VPS8: variants seen among roughly 807,000 people sequenced by gnomAD.
The protein encoded by VPS8 is VPS8 subunit of CORVET complex, also known as vacuolar protein sorting-associated protein 8 homolog.
A neutral mutation model predicts 216.4 loss-of-function variants in VPS8; 129 were observed. The observed-to-expected ratio is 0.60, with a 90% CI of 0.52 to 0.69. VPS8 has a LOEUF of 0.69. Among genes scored for constraint, VPS8 ranks in the 30% least tolerant of loss-of-function variants. The probability of loss-of-function intolerance (pLI) is 0.00; values close to 1 mark genes in which losing one functional copy is unlikely to be tolerated. For missense variants in VPS8, 1,531 were observed against 1,683.5 expected (o/e 0.91, Z 1.59); for synonymous variants, 571 against 565.4 (o/e 1.01, Z -0.14).
rs540214346 is a variant in VPS8 at position 184,901,163 on chromosome 3, G to T, written c.2146+191G>T. 222 of 571,232 alleles carry T rather than the reference G, an allele frequency of 3.9e-4. No homozygotes were observed. The South Asian group carries it at 4.4e-3, about 11-fold the overall frequency. The allele number at this position is 571,232 out of a possible 1,614,324, so 35.4% of individuals were successfully genotyped here. On this transcript the variant is annotated intron_variant, in intron 25 of 47. Coordinates refer to ENST00000625842, the MANE Select transcript of VPS8 (RefSeq NM_001009921.3). ...CTAAAAAGTTTCCTCCTTCCCCTTT[G>T]TACTTGATCCTTTCCCCACAGCCCT... is the stretch of plus-strand genomic sequence containing the variant.
Position 184,936,240 on chromosome 3 carries a change from C to T in VPS8, c.2899-6C>T, listed in dbSNP as rs1440984378. ...GAGATGGCTTTGTCTTTTCCTTTAA[C>T]TCCAGGAACTCGTGTCCCTGAAGCC... On this transcript the variant is annotated splice_polypyrimidine_tract_variant and splice_region_variant and intron_variant, in intron 34 of 47. Transcript: ENST00000625842. 3 of 1,601,242 alleles carry T rather than the reference C, an allele frequency of 1.9e-6. No individual in the cohort carries two copies. The highest frequency in any genetic ancestry group is 2.6e-6 in the Non-Finnish European group (3 of 1,173,426).
intron 26 of VPS8, 134 bp from the exon 27 acceptor site, chr3:184,914,847 C>A: frequency 1.2e-6 from 1 of 854,182 alleles, no homozygotes; most frequent in Non-Finnish European, 1.9e-6. Flanking sequence ...TGCTTTGGAA[C>A]TTGACCTAAC....
In VPS8 at chr3:184,977,129, A is replaced by C. The variant is rs925386432; in HGVS notation, c.3420+5377A>C. Among the ~76,000 whole-genome samples, 3 of 152,152 alleles carry C rather than the reference A, an allele frequency of 2.0e-5. No individual in the cohort carries two copies. The South Asian group carries it at 6.2e-4, about 32-fold the overall frequency. On this transcript the variant is annotated intron_variant, in intron 40 of 47. Coordinates refer to ENST00000625842, the MANE Select transcript of VPS8 (RefSeq NM_001009921.3). The stretch of plus-strand genomic sequence containing the variant: ...CTCCGCAGCGTTGTGAATGTCCGCT[A>C]TTTTTTGACTTTTTAACAAAAGCCA...
chr3:184,917,675 G>A (rs1036007530), intron 28 of VPS8, among the ~76,000 whole-genome samples: 1 of 152,160 alleles, frequency 6.6e-6, no homozygotes, highest in Non-Finnish European at 1.5e-5. Context: ...CAAAGTGCTG[G>A]GATTAGAGGC....
intron 36 of VPS8, among the ~76,000 whole-genome samples, chr3:184,956,296 G>A (rs1447827785): frequency 2.0e-5 from 3 of 152,200 alleles, no homozygotes; most frequent in Non-Finnish European, 4.4e-5. Flanking sequence ...GGTTACAAGT[G>A]TGCCTGCAGA....
Position 184,834,733 on chromosome 3 carries a change from G to A in VPS8, c.438G>A (p.Val146=). Residue 146 remains valine, a synonymous_variant, in exon 5 of 48, where the codon GTG becomes GTA. Transcript: ENST00000625842. Reference sequence around the variant, plus strand: ...TGAAGGGAATTTCTGCCCAGATAGTGTCTGCAGCTGTAAGTATTTTGTTCT... The same window carrying A: ...TGAAGGGAATTTCTGCCCAGATAGTATCTGCAGCTGTAAGTATTTTGTTCT... ...SLLKGISAQI[V]SAADKVDAGL... 1.3e-6 allele frequency: 2 copies of A among 1,558,036 alleles called. No individual in the cohort carries two copies. The highest frequency in any genetic ancestry group is 2.4e-5 in the South Asian group (2 of 84,468).
chr3:184,922,782 A>G (rs888326708), intron 29 of VPS8, among the ~76,000 whole-genome samples: 6 of 84,678 alleles, frequency 7.1e-5, no homozygotes, highest in African/African-American at 3.5e-4. Context: ...TGTGTGCTGA[A>G]TGGCTGCAGA....
At chr3:184,862,788 T>C in intron 15 of VPS8, 109 bp from the exon 16 acceptor site, 1 of 1,143,286 alleles carries the variant, frequency 8.7e-7, no homozygotes, top group Non-Finnish European at 1.2e-6. Context: ...AATTGTTAAA[T>C]GGATCAAGTC....
chr3:184,874,181 TA>T (rs1245312410), intron 21 of VPS8, among the ~76,000 whole-genome samples: 3 of 152,146 alleles, frequency 2.0e-5, no homozygotes, highest in African/African-American at 7.2e-5. Flanking sequence ...TAAACTCATA[TA>T]ATTACCTTTT....
chr3:184,964,301 T>C (rs1007069825), intron 37 of VPS8, among the ~76,000 whole-genome samples, 167 bp from the exon 38 acceptor site: 1 of 152,134 alleles, frequency 6.6e-6, no homozygotes, highest in African/African-American at 2.4e-5. Context: ...CCAAATGATC[T>C]ACTATATGAC....
In VPS8 at chr3:184,996,834, G is replaced by A. The variant is rs1393978241; in HGVS notation, c.3836+333G>A. On this transcript the variant is annotated intron_variant, in intron 44 of 47. Transcript: ENST00000625842. ...CGAGAGAGGGAGGAGCAAAGGTGCT[G>A]AGAGGTGTTTGGATTCTGAGTATCC... 2.6e-5 allele frequency among the ~76,000 whole-genome samples: 4 copies of A among 152,212 alleles called. No individual in the cohort carries two copies. The East Asian group carries it at 7.7e-4, about 29-fold the overall frequency.
At chr3:184,983,190 C>T in intron 42 of VPS8, 96 bp downstream of exon 42, 1 of 1,101,066 alleles carries the variant, frequency 9.1e-7, no homozygotes. Flanking sequence ...AAATGGATCT[C>T]AAGCATAATG....
rs533812366 is a variant in VPS8 at position 184,883,522 on chromosome 3, A to G, written c.1735-2588A>G. On this transcript the variant is annotated intron_variant, in intron 21 of 47. Transcript: ENST00000625842. The stretch of plus-strand genomic sequence containing the variant: ...ACCTAGGAATTATAGACTCCTCTCA[A>G]TGCCTTCCAAACCATGATCAATCTG... Among the ~76,000 whole-genome samples, 193 of 152,252 alleles carry G rather than the reference A, an allele frequency of 1.3e-3. 2 individuals carry two copies. The highest frequency in any genetic ancestry group is 4.6e-3 in the South Asian group (22 of 4,824).
intron 21 of VPS8, among the ~76,000 whole-genome samples, chr3:184,879,027 G>A (rs1434870104): frequency 6.6e-6 from 1 of 152,204 alleles, no homozygotes; most frequent in Non-Finnish European, 1.5e-5. Context: ...TATAAATTAA[G>A]AGAATTAGTA....
rs1378865114 is a variant in VPS8 at position 184,898,552 on chromosome 3, T to C, written c.2005-13T>C. ...CTGAATTGTATGGACCAAGTGGCTT[T>C]TCCTTTTCACAGGTAGTTCTCATGT... On this transcript the variant is annotated splice_polypyrimidine_tract_variant and intron_variant, in intron 23 of 47. Transcript: ENST00000625842. 1 of 1,548,706 alleles carries C rather than the reference T, an allele frequency of 6.5e-7. No individual in the cohort carries two copies. The highest frequency in any genetic ancestry group is 1.4e-5 in the African/African-American group (1 of 73,128).
Position 184,964,569 on chromosome 3 carries a change from C to T in VPS8, c.3273+12C>T. 7.0e-7 allele frequency: 1 copy of T among 1,431,710 alleles called. No individual in the cohort carries two copies. Among genetic ancestry groups the T allele is most frequent in the Non-Finnish European group, 9.4e-7 (1 of 1,067,180 alleles). The allele number at this position is 1,431,710 out of a possible 1,614,324, so 88.7% of individuals were successfully genotyped here. On this transcript the variant is annotated intron_variant, in intron 38 of 47. Transcript: ENST00000625842. ...TAATAATGTTAGAGGTAACACTTTA[C>T]TATGTTTCTTTCATCATATTTCTGT...
At chr3:184,976,273 A>G (rs536889704) in intron 40 of VPS8, among the ~76,000 whole-genome samples, 2 of 152,220 alleles carry the variant, frequency 1.3e-5, no homozygotes, top group African/African-American at 4.8e-5. Flanking sequence ...TATAATTTCC[A>G]TAGTTGTTTA....
intron 40 of VPS8, among the ~76,000 whole-genome samples, chr3:184,974,102 T>C (rs1338523071): frequency 2.0e-5 from 3 of 152,204 alleles, no homozygotes; most frequent in African/African-American, 7.2e-5. Context: ...TAGTTCTGTT[T>C]TTAGTTTCTT....
rs201685683 is a variant in VPS8, at chr3:184,982,580, G to A, written c.3435G>A (p.Pro1145=). The A allele has an allele frequency of 1.6e-3, 2,557 of 1,612,732 alleles. 2 individuals carry two copies. Among genetic ancestry groups the A allele is most frequent in the Non-Finnish European group, 1.7e-3 (2,054 of 1,179,506 alleles). ...NQQQREALWF[P]LLEAMMAPQK... The stretch of plus-strand genomic sequence containing the variant: ...TGACATTATAGGCACTTTGGTTTCC[G>A]TTATTGGAGGCAATGATGGCCCCTC... Residue 1145 remains proline, a synonymous_variant, in exon 41 of 48, where the codon CCG becomes CCA. Coordinates refer to ENST00000625842, the MANE Select transcript of VPS8 (RefSeq NM_001009921.3).
Sources: allele counts gnomAD v4.1 joint callset (sites outside exome capture counted in the v4.1 genomes callset), GRCh38; gene constraint gnomAD v4.1.1; transcripts MANE v1.5; gene names NCBI Gene and HGNC (gene_info 2026-07-23, HGNC 2026-07-21).